The following LRRTM3 variants were observed in gnomAD, a reference collection of about 807,000 sequenced individuals.
The protein encoded by LRRTM3 is leucine rich repeat transmembrane neuronal 3.
LRRTM3 carries 24 observed loss-of-function variants against 44.7 expected under a neutral mutation model. The observed-to-expected ratio is 0.54, with a 90% CI of 0.39 to 0.76. The LOEUF (loss-of-function observed/expected upper bound fraction) is 0.76, where lower values mean the gene tolerates loss of function less well. LRRTM3 is among the 30% of genes least tolerant of loss of function. The pLI, the probability that LRRTM3 is intolerant of heterozygous loss-of-function variation, is 0.00. For missense variants in LRRTM3, 587 were observed against 702.2 expected (o/e 0.84, Z 1.85); for synonymous variants, 277 against 278.7 (o/e 0.99, Z 0.06).
intron 2 of LRRTM3, among the ~76,000 whole-genome samples, chr10:66,951,117 ACT>A (rs1491078637): frequency 1.0e-3 from 123 of 120,450 alleles, no homozygotes; most frequent in African/African-American, 2.4e-3. Flanking sequence ...ACACACACAC[ACT>A]GTCTTTTTTT....
intron 2 of LRRTM3, among the ~76,000 whole-genome samples, chr10:67,020,338 G>A (rs960775716): frequency 6.6e-6 from 1 of 151,922 alleles, no homozygotes; most frequent in Non-Finnish European, 1.5e-5. Context: ...AGAGCACAAG[G>A]GCTTCTTTAT....
intron 2 of LRRTM3, among the ~76,000 whole-genome samples, chr10:66,971,926 C>T (rs1037923726): frequency 6.6e-6 from 1 of 151,412 alleles, no homozygotes; most frequent in Non-Finnish European, 1.5e-5. Context: ...TGCTAATGTA[C>T]TTCAGTATAT....
chr10:67,023,606 A>G (rs1169280131), intron 2 of LRRTM3, among the ~76,000 whole-genome samples: 9 of 152,316 alleles, frequency 5.9e-5, no homozygotes, highest in Middle Eastern at 6.8e-3. Flanking sequence ...CTCAGCTTGG[A>G]AAGACCTAAA....
chr10:66,926,980 G>A lies in LRRTM3; in HGVS notation c.64G>A (p.Val22Ile). ...SAVALVIAPT[V>I]LLTMLSSAER... ...TGTAGCACTGGTTATAGCCCCCACTGTCTTACTGACAATGCTTTCTTCTGC... is the reference window on the plus strand; with the variant it reads ...TGTAGCACTGGTTATAGCCCCCACTATCTTACTGACAATGCTTTCTTCTGC... The change falls in exon 2 of 3, where the codon GTC becomes ATC. Residue 22 changes from valine to isoleucine, a missense_variant. Physicochemically the swap from Val to Ile is conservative, Grantham distance 29. This residue lies in a region of LRRTM3 where 50 missense variants were observed against 43.4 expected (regional missense o/e 1.15). Transcript: ENST00000361320. 1 of 1,614,092 alleles carries A rather than the reference G, an allele frequency of 6.2e-7. No homozygotes were observed. The highest frequency in any genetic ancestry group is 1.1e-5 in the South Asian group (1 of 91,078).
chr10:67,051,232 G>GTGA (rs1855070159), intron 2 of LRRTM3, among the ~76,000 whole-genome samples: 1 of 152,028 alleles, frequency 6.6e-6, no homozygotes, highest in South Asian at 2.1e-4. Context: ...AAATGAAGAC[G>GTGA]TGAACTAAAT....
chr10:67,045,618 G>A (rs886972825), intron 2 of LRRTM3, among the ~76,000 whole-genome samples: 5 of 152,082 alleles, frequency 3.3e-5, no homozygotes, highest in African/African-American at 1.2e-4. Context: ...CTGCCTTTGC[G>A]GCCAGACCCC....
At chr10:67,094,642 A>G (rs1857857511) in intron 2 of LRRTM3, among the ~76,000 whole-genome samples, 1 of 151,808 alleles carries the variant, frequency 6.6e-6, no homozygotes, top group African/African-American at 2.4e-5. Flanking sequence ...CATACCTTGT[A>G]CTACATCTGT....
chr10:67,093,638 C>T (rs949639084), intron 2 of LRRTM3, among the ~76,000 whole-genome samples: 52 of 151,576 alleles, frequency 3.4e-4, no homozygotes, highest in African/African-American at 1.2e-3. Context: ...TTTTTTGGTG[C>T]AAGGACATAC....
intron 2 of LRRTM3, among the ~76,000 whole-genome samples, chr10:67,010,520 A>C (rs1852251435): frequency 6.6e-6 from 1 of 152,180 alleles, no homozygotes; most frequent in Non-Finnish European, 1.5e-5. Context: ...TCCTGTAGGT[A>C]TTAGATCTGT....
chr10:66,947,250 G>C (rs910986571), intron 2 of LRRTM3, among the ~76,000 whole-genome samples: 1 of 152,144 alleles, frequency 6.6e-6, no homozygotes, highest in Admixed American at 6.6e-5. Context: ...ATTACTCTCT[G>C]ATTACTCTCT....
intron 2 of LRRTM3, among the ~76,000 whole-genome samples, chr10:67,021,385 A>G (rs528574397): frequency 8.5e-5 from 13 of 152,306 alleles, no homozygotes; most frequent in African/African-American, 3.1e-4. Flanking sequence ...ACTTTTGGAA[A>G]GAAATTTGAT....
intron 2 of LRRTM3, among the ~76,000 whole-genome samples, chr10:66,931,485 TG>T (rs1847388742): frequency 6.6e-6 from 1 of 152,176 alleles, no homozygotes; most frequent in Admixed American, 6.5e-5. Context: ...ATTTTTTACT[TG>T]ATTTGGTGAG....
intron 2 of LRRTM3, among the ~76,000 whole-genome samples, chr10:67,020,482 C>A (rs959621156): frequency 6.6e-6 from 1 of 152,134 alleles, no homozygotes; most frequent in Non-Finnish European, 1.5e-5. Context: ...TGTTCACTTA[C>A]AGAGTCTAAC....
intron 2 of LRRTM3, among the ~76,000 whole-genome samples, chr10:66,940,098 C>A (rs1847918562): frequency 6.6e-6 from 1 of 152,048 alleles, no homozygotes; most frequent in South Asian, 2.1e-4. Context: ...GTACTGGAAT[C>A]TGCTTGGTCC....
intron 2 of LRRTM3, among the ~76,000 whole-genome samples, chr10:66,935,350 T>G (rs1375491939): frequency 6.6e-6 from 1 of 152,104 alleles, no homozygotes; most frequent in Non-Finnish European, 1.5e-5. Flanking sequence ...CTAGGAAGTT[T>G]ACCATAGTGA....
At chr10:66,934,863 TAC>T (rs1847604580) in intron 2 of LRRTM3, among the ~76,000 whole-genome samples, 1 of 152,148 alleles carries the variant, frequency 6.6e-6, no homozygotes, top group African/African-American at 2.4e-5. Flanking sequence ...GGGTGGAAAA[TAC>T]ATTTTGTCAG....
In LRRTM3 at chr10:66,944,194, AATAAGTTT is replaced by A. The variant is rs1460409357; in HGVS notation, c.1536+15753_1536+15760del. Among the ~76,000 whole-genome samples the A allele has an allele frequency of 3.3e-5, 5 of 152,358 alleles. No individual in the cohort carries two copies. The East Asian group carries it at 9.6e-4, about 29-fold the overall frequency. On this transcript the variant is annotated intron_variant, in intron 2 of 2. Coordinates refer to ENST00000361320, the MANE Select transcript of LRRTM3 (RefSeq NM_178011.5). The stretch of plus-strand genomic sequence containing the variant: ...CTCAAACTCTGCCACTGCTTCATCA[AATAAGTTT>A]ATAAGTTTATGAAATATTCTAAATC...
chr10:67,040,576 T>C (rs1854330200), intron 2 of LRRTM3, among the ~76,000 whole-genome samples: 1 of 152,080 alleles, frequency 6.6e-6, no homozygotes, highest in South Asian at 2.1e-4. Flanking sequence ...AAATATAAGA[T>C]GGAATTTTTT....
chr10:67,004,594 G>C (rs114908690), intron 2 of LRRTM3, among the ~76,000 whole-genome samples: 1 of 151,742 alleles, frequency 6.6e-6, no homozygotes, highest in Non-Finnish European at 1.5e-5. Context: ...ACCTTGATCC[G>C]TTCTAATAGA....
Sources: allele counts gnomAD v4.1 joint callset (sites outside exome capture counted in the v4.1 genomes callset), GRCh38; gene constraint gnomAD v4.1.1; regional missense constraint gnomAD v4.1.1; transcripts MANE v1.5; gene names NCBI Gene and HGNC (gene_info 2026-07-23, HGNC 2026-07-21).